Variants in CNTN4 observed in about 807,000 individuals in gnomAD.
The protein encoded by CNTN4 is contactin-4.
A neutral mutation model predicts 122.5 loss-of-function variants in CNTN4; 77 were observed. The ratio of observed to expected loss-of-function variants is 0.63; its 90% confidence interval spans 0.52 to 0.76. The LOEUF (loss-of-function observed/expected upper bound fraction) is 0.76, where lower values mean the gene tolerates loss of function less well. CNTN4 is among the 30% of genes least tolerant of loss of function. CNTN4 has a pLI of 0.00. For missense variants in CNTN4, 1,256 were observed against 1,259.1 expected (o/e 1.00, Z 0.04); for synonymous variants, 512 against 447.0 (o/e 1.15, Z -1.83).
chr3:2,229,360 T>C (rs1049100214), intron 2 of CNTN4, among the ~76,000 whole-genome samples: 28 of 152,154 alleles, frequency 1.8e-4, no homozygotes, highest in Non-Finnish European at 3.8e-4. Flanking sequence ...GAACCACTGT[T>C]TCCACATCAG....
At chr3:2,904,332 T>C (rs1308075080) in intron 12 of CNTN4, among the ~76,000 whole-genome samples, 1 of 152,212 alleles carries the variant, frequency 6.6e-6, no homozygotes, top group African/African-American at 2.4e-5. Flanking sequence ...CATGTAAATC[T>C]TGCATATAGA....
chr3:2,129,682 A>G (rs1400342675), intron 2 of CNTN4, among the ~76,000 whole-genome samples: 1 of 151,748 alleles, frequency 6.6e-6, no homozygotes, highest in Admixed American at 6.6e-5. Context: ...GATTGTTTCT[A>G]ACAATTTTTT....
chr3:2,808,217 C>G (rs2150118532), intron 6 of CNTN4, among the ~76,000 whole-genome samples: 1 of 152,062 alleles, frequency 6.6e-6, no homozygotes, highest in South Asian at 2.1e-4. Flanking sequence ...AACTGTGGTC[C>G]TTATGTCTCC....
chr3:3,012,898 G>A (rs2125520182), intron 14 of CNTN4, among the ~76,000 whole-genome samples: 1 of 151,920 alleles, frequency 6.6e-6, no homozygotes, highest in Non-Finnish European at 1.5e-5. Context: ...AAACTGGGAG[G>A]CAGAAGTTGC....
intron 3 of CNTN4, among the ~76,000 whole-genome samples, chr3:2,405,591 ATAGG>A (rs1037093570): frequency 9.5e-6 from 1 of 105,062 alleles, no homozygotes; most frequent in Admixed American, 1.1e-4. Flanking sequence ...ACTGTTATAG[ATAGG>A]TAGATAGATA....
intron 6 of CNTN4, among the ~76,000 whole-genome samples, chr3:2,756,794 T>A (rs905180102): frequency 6.6e-6 from 1 of 152,160 alleles, no homozygotes; most frequent in Non-Finnish European, 1.5e-5. Context: ...CACCAGAAGC[T>A]AGAAGAAGCA....
At chr3:2,737,867 C>T (rs760825656) in intron 5 of CNTN4, among the ~76,000 whole-genome samples, 6 of 152,206 alleles carry the variant, frequency 3.9e-5, no homozygotes, top group Admixed American at 6.5e-5. Flanking sequence ...GACTCAAAAG[C>T]ACAGGTAATT....
At chr3:2,682,593 C>T (rs2085219746) in intron 4 of CNTN4, among the ~76,000 whole-genome samples, 1 of 151,872 alleles carries the variant, frequency 6.6e-6, no homozygotes, top group Non-Finnish European at 1.5e-5. Context: ...TTTTAGGTAA[C>T]AATACAGAAG....
intron 6 of CNTN4, among the ~76,000 whole-genome samples, chr3:2,801,328 T>C (rs2092341213): frequency 1.3e-5 from 2 of 152,232 alleles, no homozygotes; most frequent in African/African-American, 4.8e-5. Flanking sequence ...GTTTTCATTA[T>C]TGAAAAATTG....
intron 3 of CNTN4, among the ~76,000 whole-genome samples, chr3:2,365,343 T>C (rs1016090808): frequency 1.3e-5 from 2 of 152,202 alleles, no homozygotes; most frequent in Admixed American, 6.5e-5. Flanking sequence ...AGTAATGAGT[T>C]TGATCTTGAC....
intron 3 of CNTN4, among the ~76,000 whole-genome samples, chr3:2,449,874 A>C (rs2048762434): frequency 1.3e-5 from 2 of 152,188 alleles, no homozygotes; most frequent in South Asian, 4.1e-4. Flanking sequence ...GATTTCACTT[A>C]TTTGTGTTAT....
intron 7 of CNTN4, among the ~76,000 whole-genome samples, chr3:2,829,298 C>G (rs1435944274): frequency 1.3e-5 from 2 of 152,110 alleles, no homozygotes; most frequent in African/African-American, 4.8e-5. Flanking sequence ...AAAAGAGAGC[C>G]ACATTGATCA....
intron 3 of CNTN4, among the ~76,000 whole-genome samples, chr3:2,562,209 A>T (rs1440037932): frequency 6.6e-6 from 1 of 152,194 alleles, no homozygotes; most frequent in Non-Finnish European, 1.5e-5. Context: ...AATATCCACA[A>T]TCTTAAGTCA....
intron 6 of CNTN4, among the ~76,000 whole-genome samples, chr3:2,765,989 T>C: frequency 6.6e-6 from 1 of 152,192 alleles, no homozygotes. Flanking sequence ...CCTTCCAGAA[T>C]TTGATCAGCT....
At chr3:2,555,389 T>C (rs1055737555) in intron 3 of CNTN4, among the ~76,000 whole-genome samples, 8 of 152,204 alleles carry the variant, frequency 5.3e-5, no homozygotes, top group African/African-American at 1.7e-4. Context: ...ATATTTACCA[T>C]GTACGATATT....
intron 3 of CNTN4, among the ~76,000 whole-genome samples, chr3:2,531,922 A>G (rs2149238097): frequency 6.6e-6 from 1 of 152,298 alleles, no homozygotes; most frequent in East Asian, 1.9e-4. Flanking sequence ...TGATCTTGTA[A>G]GAGAAAATTT....
chr3:2,774,673 C>T (rs566119041), intron 6 of CNTN4, among the ~76,000 whole-genome samples: 3 of 152,132 alleles, frequency 2.0e-5, no homozygotes, highest in Non-Finnish European at 4.4e-5. Flanking sequence ...AATAGAATAA[C>T]ACTCCTTCAG....
chr3:2,601,284 T>C (rs2081033934), intron 4 of CNTN4, among the ~76,000 whole-genome samples: 1 of 152,248 alleles, frequency 6.6e-6, no homozygotes, highest in South Asian at 2.1e-4. Flanking sequence ...CCCATGCCTA[T>C]GTTCTGAATG....
chr3:3,042,355 C>CACA lies in CNTN4; in HGVS notation c.2444_2445insACA (p.Ala815_Thr816insHis). The CACA allele has an allele frequency of 6.2e-7, 1 of 1,614,108 alleles. No individual in the cohort carries two copies. The highest frequency in any genetic ancestry group is 8.5e-7 in the Non-Finnish European group (1 of 1,179,976). ...AGTATCTTTGCCAGAAGTCTTTCTG[C>CACA]CACAGATATTGAAGTTTTCTGGGCC... On this transcript the variant is annotated inframe_insertion, in exon 21 of 25. Transcript: ENST00000418658.
Sources: gnomAD v4.1 joint callset for allele counts (sites outside exome capture counted in the v4.1 genomes callset) on GRCh38, gnomAD v4.1.1 for gene constraint, MANE v1.5 for transcripts, NCBI Gene and HGNC (gene_info 2026-07-23, HGNC 2026-07-21) for gene names.